CA8: variants seen among roughly 807,000 people sequenced by gnomAD.
CA8 encodes the protein carbonic anhydrase 8 (inactive).
Under a neutral mutation model 41.4 loss-of-function variants are expected in CA8, and 22 were observed. The observed-to-expected ratio is 0.53, with a 90% CI of 0.38 to 0.76. The LOEUF (loss-of-function observed/expected upper bound fraction) is 0.76, where lower values mean the gene tolerates loss of function less well. Among genes scored for constraint, CA8 ranks in the 30% least tolerant of loss-of-function variants. The probability of loss-of-function intolerance (pLI) is 0.00; values close to 1 mark genes in which losing one functional copy is unlikely to be tolerated. For missense variants in CA8, 270 were observed against 352.8 expected, an observed-to-expected ratio of 0.77 and a Z score of 1.88; for synonymous variants, 121 against 130.6, an observed-to-expected ratio of 0.93 and a Z score of 0.50.
At chr8:60,267,523 T>G (rs547446330) in intron 2 of CA8, among the ~76,000 whole-genome samples, 1 of 152,300 alleles carries the variant, frequency 6.6e-6, no homozygotes, top group African/African-American at 2.4e-5. Flanking sequence ...TGGTCTGATT[T>G]AGGTCACACA....
At chr8:60,210,628 T>C (rs1224192595) in intron 7 of CA8, among the ~76,000 whole-genome samples, 1 of 152,002 alleles carries the variant, frequency 6.6e-6, no homozygotes, top group African/African-American at 2.4e-5. Context: ...TTTTTTTTTT[T>C]TCTCTCTGTA....
intron 3 of CA8, among the ~76,000 whole-genome samples, chr8:60,239,785 C>T (rs1807955835): frequency 6.6e-6 from 1 of 152,172 alleles, no homozygotes; most frequent in African/African-American, 2.4e-5. Flanking sequence ...ATACTGTCCT[C>T]GTGGTAGTGA....
chr8:60,213,302 C>T (rs1806903178), intron 7 of CA8, among the ~76,000 whole-genome samples: 1 of 152,332 alleles, frequency 6.6e-6, no homozygotes, highest in South Asian at 2.1e-4. Flanking sequence ...CAGCCTTGGC[C>T]GTTGTCGGCC....
chr8:60,265,753 GGTTTCATGT>G (rs1453098103), intron 3 of CA8, 163 bp downstream of exon 3: 2 of 688,236 alleles, frequency 2.9e-6, no homozygotes, highest in African/African-American at 3.6e-5. Context: ...GTAGACAGGA[GGTTTCATGT>G]GCTGCCCTAG....
chr8:60,217,181 G>T (rs1807050491), intron 7 of CA8, among the ~76,000 whole-genome samples: 1 of 151,388 alleles, frequency 6.6e-6, no homozygotes, highest in Non-Finnish European at 1.5e-5. Flanking sequence ...ACCACGCCTG[G>T]CCAAGAAAAA....
intron 3 of CA8, among the ~76,000 whole-genome samples, chr8:60,261,076 C>T (rs1011788143): frequency 5.3e-5 from 8 of 151,842 alleles, no homozygotes; most frequent in Admixed American, 2.6e-4. Context: ...TACCATGTGC[C>T]GCCTGGAAAG....
chr8:60,187,396 C>T lies in CA8; in HGVS notation c.*2625G>A, dbSNP rs925595992. On this transcript the variant is annotated 3_prime_UTR_variant, in exon 9 of 9. Transcript: ENST00000317995. ...AAAGAATTCAAATCAATAACCTAAC[C>T]TTCCACCTTAAAATACTGGAAAAGA... The T allele has an allele frequency of 1.1e-4, 16 of 152,040 alleles. 1 individual carries two copies. Among genetic ancestry groups the T allele is most frequent in the Admixed American group, 9.8e-4 (15 of 15,264 alleles). 9.4% of individuals were successfully genotyped at this position (152,040 alleles called of 1,614,324 possible).
intron 3 of CA8, among the ~76,000 whole-genome samples, chr8:60,253,180 A>G (rs1430684484): frequency 2.0e-5 from 3 of 152,200 alleles, no homozygotes; most frequent in African/African-American, 7.2e-5. Flanking sequence ...GGCTGCAGTG[A>G]GCCAAGATCA....
At chr8:60,261,362 C>A (rs1035652676) in intron 3 of CA8, among the ~76,000 whole-genome samples, 1 of 152,068 alleles carries the variant, frequency 6.6e-6, no homozygotes, top group Middle Eastern at 3.2e-3. Context: ...TCTTTAAATA[C>A]AATATAAAGA....
intron 8 of CA8, among the ~76,000 whole-genome samples, chr8:60,203,953 G>A (rs1806504142): frequency 6.6e-6 from 1 of 152,146 alleles, no homozygotes; most frequent in South Asian, 2.1e-4. Flanking sequence ...ATAATATCCA[G>A]TGCTCGAAGG....
intron 3 of CA8, 197 bp downstream of exon 3, chr8:60,265,728 C>A (rs557227564): frequency 1.7e-6 from 1 of 604,628 alleles, no homozygotes; most frequent in Non-Finnish European, 2.9e-6. Context: ...CATGCGCACA[C>A]GCCAAGCCAC....
intron 8 of CA8, among the ~76,000 whole-genome samples, chr8:60,198,426 T>TTGATCAAAACTCAA: frequency 6.6e-6 from 1 of 152,298 alleles, no homozygotes; most frequent in South Asian, 2.1e-4. Flanking sequence ...TCATAGAAGT[T>TTGATCAAAACTCAA]GGTAATATTA....
intron 7 of CA8, among the ~76,000 whole-genome samples, chr8:60,210,079 G>A (rs1056572914): frequency 6.6e-6 from 1 of 152,192 alleles, no homozygotes; most frequent in Non-Finnish European, 1.5e-5. Flanking sequence ...ATATACAGAA[G>A]GGGAAACTGA....
intron 2 of CA8, 85 bp from the exon 3 acceptor site, chr8:60,266,134 A>G (rs1803895147): frequency 7.5e-7 from 1 of 1,327,410 alleles, no homozygotes; most frequent in Admixed American, 1.9e-5. Context: ...TTTTTCCACC[A>G]AAATGCTCTC....
chr8:60,244,750 G>A (rs146700093), intron 3 of CA8, among the ~76,000 whole-genome samples: 373 of 152,206 alleles, frequency 2.5e-3, no homozygotes, highest in African/African-American at 8.6e-3. Context: ...ATCTGAAAAT[G>A]TTTTTAAAAA....
intron 3 of CA8, among the ~76,000 whole-genome samples, chr8:60,248,783 T>C (rs1309048263): frequency 6.6e-6 from 1 of 152,198 alleles, no homozygotes; most frequent in African/African-American, 2.4e-5. Flanking sequence ...TCTAATTCTG[T>C]GAAGAATGTC....
At chr8:60,216,540 T>C (rs1379700730) in intron 7 of CA8, among the ~76,000 whole-genome samples, 4 of 152,190 alleles carry the variant, frequency 2.6e-5, no homozygotes, top group Admixed American at 1.3e-4. Flanking sequence ...TGTGGTAAGA[T>C]ATGGTTTATC....
At chr8:60,274,350 G>T (rs1424727433) in intron 2 of CA8, among the ~76,000 whole-genome samples, 3 of 152,176 alleles carry the variant, frequency 2.0e-5, no homozygotes, top group Non-Finnish European at 4.4e-5. Context: ...AAAATAATGG[G>T]CGGCGGTAGG....
intron 3 of CA8, among the ~76,000 whole-genome samples, chr8:60,240,795 T>A (rs1316373765): frequency 2.6e-5 from 4 of 152,032 alleles, no homozygotes; most frequent in Non-Finnish European, 5.9e-5. Flanking sequence ...AGAAGCCAAG[T>A]ATCTCACCCA....
Sources: gnomAD v4.1 joint callset for allele counts (sites outside exome capture counted in the v4.1 genomes callset) on GRCh38, gnomAD v4.1.1 for gene constraint, MANE v1.5 for transcripts, NCBI Gene and HGNC (gene_info 2026-07-23, HGNC 2026-07-21) for gene names.